The following GALNT17 variants were observed in gnomAD, a reference collection of about 807,000 sequenced individuals.
GALNT17 encodes UDP-GalNAc:polypeptide N-acetylgalactosaminyltransferase-like 3.
Under a neutral mutation model 63.7 loss-of-function variants are expected in GALNT17, and 29 were observed. The observed-to-expected ratio is 0.46, with a 90% confidence interval of 0.34 to 0.62. The LOEUF is 0.62. GALNT17 is among the 20% of genes least tolerant of loss of function. The pLI, the probability that GALNT17 is intolerant of heterozygous loss-of-function variation, is 0.01. For missense variants in GALNT17, 603 were observed against 799.6 expected (o/e 0.75, Z 2.97); for synonymous variants, 305 against 318.3 (o/e 0.96, Z 0.45).
chr7:71,524,805 T>C (rs1014330691), intron 5 of GALNT17, among the ~76,000 whole-genome samples: 1 of 152,204 alleles, frequency 6.6e-6, no homozygotes, highest in African/African-American at 2.4e-5. Flanking sequence ...TCATTTTGAT[T>C]TGAGTGTGTT....
At chr7:71,615,237 A>G (rs1790183685) in intron 6 of GALNT17, among the ~76,000 whole-genome samples, 2 of 152,128 alleles carry the variant, frequency 1.3e-5, no homozygotes. Flanking sequence ...ATTTAATTTT[A>G]GCTGCAGTGG....
intron 1 of GALNT17, among the ~76,000 whole-genome samples, chr7:71,304,208 A>G (rs955953253): frequency 1.2e-4 from 18 of 152,248 alleles, no homozygotes; most frequent in African/African-American, 4.3e-4. Context: ...CATTCAATGC[A>G]GTGATGCATT....
chr7:71,148,858 TTTTATATATATATATATATATA>T (rs1319325742), intron 1 of GALNT17, among the ~76,000 whole-genome samples: 6 of 91,914 alleles, frequency 6.5e-5, no homozygotes, highest in South Asian at 3.4e-4. Context: ...ATTATGGTAT[TTTTATATATATATATATATATA>T]TATATATATA....
intron 1 of GALNT17, among the ~76,000 whole-genome samples, chr7:71,285,923 A>G (rs934168519): frequency 1.3e-5 from 2 of 152,208 alleles, no homozygotes; most frequent in African/African-American, 4.8e-5. Context: ...AGCTATTTCT[A>G]GTTCCGGGCA....
At chr7:71,406,035 GT>G (rs1793322515) in intron 3 of GALNT17, among the ~76,000 whole-genome samples, 1 of 152,142 alleles carries the variant, frequency 6.6e-6, no homozygotes, top group African/African-American at 2.4e-5. Flanking sequence ...GAAGACAAAT[GT>G]TGTGGAATGT....
chr7:71,395,610 G>C (rs1583916554), intron 3 of GALNT17, among the ~76,000 whole-genome samples: 1 of 152,176 alleles, frequency 6.6e-6, no homozygotes, highest in African/African-American at 2.4e-5. Context: ...TCTAGGAGTA[G>C]AATTGCTGGG....
rs1278391976 is a variant in GALNT17, at chr7:71,711,005, C to T, written c.1668+77C>T. The T allele has an allele frequency of 3.3e-6, 5 of 1,522,636 alleles. No homozygotes were observed. The African/African-American group carries it at 5.5e-5, about 17-fold the overall frequency. The allele number at this position is 1,522,636 out of a possible 1,614,324, so 94.3% of individuals were successfully genotyped here. A position where few individuals can be genotyped will look rare whatever the true frequency, so the allele number is the denominator to read the frequency against. On this transcript the variant is annotated intron_variant, in intron 10 of 10. Coordinates refer to ENST00000333538, the MANE Select transcript of GALNT17 (RefSeq NM_022479.3). ...AGACCACAGAGGGGAATCCTGCTTC[C>T]CCAGGGGTCCCCAGCAAAGAGCGAC... is the stretch of plus-strand genomic sequence containing the variant.
chr7:71,706,651 C>T (rs1472061186), intron 9 of GALNT17, among the ~76,000 whole-genome samples: 4 of 152,096 alleles, frequency 2.6e-5, no homozygotes, highest in African/African-American at 9.7e-5. Flanking sequence ...CTAACAATGA[C>T]TTTGATTTGG....
intron 9 of GALNT17, among the ~76,000 whole-genome samples, chr7:71,695,930 C>T (rs1320733485): frequency 3.3e-5 from 5 of 152,096 alleles, no homozygotes; most frequent in African/African-American, 7.2e-5. Context: ...TTCCCAAACA[C>T]CCAGGATAAT....
intron 9 of GALNT17, among the ~76,000 whole-genome samples, chr7:71,688,561 G>A (rs200756429): frequency 1.8e-3 from 247 of 137,492 alleles, no homozygotes; most frequent in African/African-American, 6.3e-3. Context: ...AGTGGCTCTC[G>A]TGATCCACGT....
intron 1 of GALNT17, among the ~76,000 whole-genome samples, chr7:71,235,139 T>G (rs961611139): frequency 6.6e-6 from 1 of 151,584 alleles, no homozygotes; most frequent in African/African-American, 2.4e-5. Flanking sequence ...TAGTCCCAGC[T>G]ACTCGGGAGG....
In GALNT17 at chr7:71,403,616, G is replaced by A. The variant is rs928239016; in HGVS notation, c.590-12273G>A. ...TCCTGTAAGCAGGCATGAGCATTTC[G>A]TTTGCGCATAGGATTCACACTGCCT... On this transcript the variant is annotated intron_variant, in intron 3 of 10. Coordinates refer to ENST00000333538, the MANE Select transcript of GALNT17 (RefSeq NM_022479.3). 4.6e-5 allele frequency among the ~76,000 whole-genome samples: 7 copies of A among 152,164 alleles called. No individual in the cohort carries two copies. In the East Asian group the frequency reaches 5.8e-4, roughly 13 times the overall value.
At chr7:71,422,095 G>A (rs12699038) in intron 5 of GALNT17, among the ~76,000 whole-genome samples, 2 of 152,096 alleles carry the variant, frequency 1.3e-5, no homozygotes, top group African/African-American at 2.4e-5. Context: ...TCTTGAGGTC[G>A]GAAATTTGCA....
At chr7:71,134,599 G>A (rs189047573) in intron 1 of GALNT17, among the ~76,000 whole-genome samples, 1 of 152,252 alleles carries the variant, frequency 6.6e-6, no homozygotes, top group East Asian at 1.9e-4. Flanking sequence ...TGTCAGGGTA[G>A]CCCACGGAAG....
At chr7:71,465,067 G>C (rs1787512595) in intron 5 of GALNT17, among the ~76,000 whole-genome samples, 1 of 152,214 alleles carries the variant, frequency 6.6e-6, no homozygotes, top group African/African-American at 2.4e-5. Context: ...TAGGGGAAAG[G>C]GGAAGAGAAA....
intron 1 of GALNT17, among the ~76,000 whole-genome samples, chr7:71,139,262 G>T (rs541762111): frequency 6.6e-6 from 1 of 152,224 alleles, no homozygotes; most frequent in Admixed American, 6.5e-5. Context: ...AGATGGAGGG[G>T]TCTGGAGCTT....
chr7:71,579,940 T>C (rs1452447979), intron 6 of GALNT17, among the ~76,000 whole-genome samples: 1 of 151,918 alleles, frequency 6.6e-6, no homozygotes, highest in Non-Finnish European at 1.5e-5. Context: ...GGATGATGGA[T>C]GGATGGATGG....
intron 5 of GALNT17, among the ~76,000 whole-genome samples, chr7:71,435,481 C>T (rs1786941892): frequency 6.6e-6 from 1 of 152,194 alleles, no homozygotes; most frequent in Non-Finnish European, 1.5e-5. Flanking sequence ...CTGGAGGCTA[C>T]AAGCTTCTGA....
intron 3 of GALNT17, among the ~76,000 whole-genome samples, chr7:71,410,477 C>T (rs536257645): frequency 6.6e-6 from 1 of 152,260 alleles, no homozygotes; most frequent in South Asian, 2.1e-4. Flanking sequence ...AACTCCTGAC[C>T]TCAGGTGATC....
Sources: allele counts gnomAD v4.1 joint callset (sites outside exome capture counted in the v4.1 genomes callset), GRCh38; gene constraint gnomAD v4.1.1; transcripts MANE v1.5; gene names NCBI Gene and HGNC (gene_info 2026-07-23, HGNC 2026-07-21).